The following PPM1L variants were observed in gnomAD, a reference collection of about 807,000 sequenced individuals.
The protein encoded by PPM1L is protein phosphatase 1L.
Under a neutral mutation model 31.4 loss-of-function variants are expected in PPM1L, and 13 were observed. That is an observed-to-expected ratio of 0.41 (90% CI 0.27 to 0.66). PPM1L has a LOEUF of 0.66. PPM1L is among the 30% of genes least tolerant of loss of function. The probability of loss-of-function intolerance (pLI) is 0.29; values close to 1 mark genes in which losing one functional copy is unlikely to be tolerated. For missense variants in PPM1L, 326 were observed against 453.7 expected (o/e 0.72, Z 2.56); for synonymous variants, 184 against 175.4 (o/e 1.05, Z -0.39).
At chr3:160,971,167 A>G (rs1716330184) in intron 2 of PPM1L, among the ~76,000 whole-genome samples, 1 of 152,194 alleles carries the variant, frequency 6.6e-6, no homozygotes. Flanking sequence ...TACAAGCCCC[A>G]GCCTAGGTTT....
chr3:160,804,883 C>G (rs142355903), intron 1 of PPM1L, among the ~76,000 whole-genome samples: 1 of 152,204 alleles, frequency 6.6e-6, no homozygotes, highest in Non-Finnish European at 1.5e-5. Flanking sequence ...GTACTGATGA[C>G]TGATCATCAC....
rs78349503 is a variant in PPM1L at position 160,945,364 on chromosome 3, G to A, written c.400-16372G>A. Among the ~76,000 whole-genome samples, 344 of 152,034 alleles carry A rather than the reference G, an allele frequency of 2.3e-3. 1 individual carries two copies. The highest frequency in any genetic ancestry group is 7.8e-3 in the African/African-American group (322 of 41,480). ...TGTTCCAGCAAAACTTTATAAAGAC[G>A]GATGTTTGGGCTTCAGTTTGCCATC... On this transcript the variant is annotated intron_variant, in intron 1 of 3. Coordinates refer to ENST00000498165, the MANE Select transcript of PPM1L (RefSeq NM_139245.4).
intron 1 of PPM1L, among the ~76,000 whole-genome samples, chr3:160,772,605 TG>T (rs908657618): frequency 3.9e-5 from 6 of 152,214 alleles, no homozygotes; most frequent in African/African-American, 1.4e-4. Flanking sequence ...ATATGCAATT[TG>T]ATCAGTTTTG....
rs1445443872 is a variant in PPM1L at position 160,809,045 on chromosome 3, G to C, written c.399+52338G>C. On this transcript the variant is annotated intron_variant, in intron 1 of 3. Coordinates refer to ENST00000498165, the MANE Select transcript of PPM1L (RefSeq NM_139245.4). ...ACTGCCAGGCAGGGAAGGGCTGCCA[G>C]GTGCTAATGTCACTGTGCCTGGCAC... Among the ~76,000 whole-genome samples the C allele has an allele frequency of 2.0e-5, 3 of 152,206 alleles. No individual in the cohort carries two copies. The East Asian group carries it at 5.8e-4, about 29-fold the overall frequency.
At chr3:160,923,275 A>G (rs962847463) in intron 1 of PPM1L, among the ~76,000 whole-genome samples, 1 of 152,224 alleles carries the variant, frequency 6.6e-6, no homozygotes, top group African/African-American at 2.4e-5. Context: ...TGAAGCCAGT[A>G]AGGAAATTGG....
At chr3:160,806,001 C>T (rs1300683739) in intron 1 of PPM1L, among the ~76,000 whole-genome samples, 1 of 152,212 alleles carries the variant, frequency 6.6e-6, no homozygotes, top group Non-Finnish European at 1.5e-5. Context: ...CCCCTGCCCC[C>T]TGTGACATCC....
At chr3:160,835,036 A>ACTTCTTCTTCTTCTTCTTCTTCTTCTT (rs1491239346) in intron 1 of PPM1L, among the ~76,000 whole-genome samples, 1 of 71,996 alleles carries the variant, frequency 1.4e-5, no homozygotes, top group Non-Finnish European at 2.5e-5. Flanking sequence ...TATTACTACT[A>ACTTCTTCTTCTTCTTCTTCTTCTTCTT]CTACTTCTTC....
chr3:160,769,101 G>T (rs1301349522), intron 1 of PPM1L, among the ~76,000 whole-genome samples: 1 of 152,176 alleles, frequency 6.6e-6, no homozygotes, highest in East Asian at 1.9e-4. Flanking sequence ...TTGGTCATGG[G>T]AATGTGATCA....
chr3:160,991,962 G>A (rs574019466), intron 2 of PPM1L, among the ~76,000 whole-genome samples: 5 of 152,270 alleles, frequency 3.3e-5, no homozygotes, highest in Admixed American at 2.0e-4. Flanking sequence ...AGCTCTTGAT[G>A]TGTATTAACT....
chr3:161,034,696 G>C (rs535560369), intron 2 of PPM1L, among the ~76,000 whole-genome samples: 144 of 151,898 alleles, frequency 9.5e-4, no homozygotes, highest in African/African-American at 3.2e-3. Context: ...CTGTCGGGGG[G>C]GTGGAGGACT....
intron 1 of PPM1L, among the ~76,000 whole-genome samples, chr3:160,889,364 A>G (rs980839644): frequency 1.3e-5 from 2 of 152,228 alleles, no homozygotes; most frequent in Non-Finnish European, 2.9e-5. Context: ...AGAGAATACT[A>G]TAAACACCTC....
intron 1 of PPM1L, among the ~76,000 whole-genome samples, chr3:160,862,380 T>A (rs1350831110): frequency 6.6e-6 from 1 of 152,094 alleles, no homozygotes; most frequent in Admixed American, 6.6e-5. Flanking sequence ...CCCTTTCAAT[T>A]CAGGCACTGA....
In PPM1L at chr3:160,835,064, C is replaced by CTTCTTCTTCTTCTTCTTCTTCTTT. The variant is rs1560120528; in HGVS notation, c.399+78358_399+78381dup. 6.8e-3 allele frequency among the ~76,000 whole-genome samples: 993 copies of CTTCTTCTTCTTCTTCTTCTTCTTT among 146,758 alleles called. 18 individuals are homozygous for CTTCTTCTTCTTCTTCTTCTTCTTT. Among genetic ancestry groups the CTTCTTCTTCTTCTTCTTCTTCTTT allele is most frequent in the African/African-American group, 0.025 (945 of 37,918 alleles). ...ACTTCTTCTTCTTCTTCTTCTTCTTCTTCTTCTTCTTCTTCTTCTTCTTTC... is the reference window on the plus strand; with the variant it reads ...ACTTCTTCTTCTTCTTCTTCTTCTTCTTCTTCTTCTTCTTCTTCTTCTTTTTCTTCTTCTTCTTCTTCTTCTTTC... On this transcript the variant is annotated intron_variant, in intron 1 of 3. Transcript: ENST00000498165.
At chr3:160,821,646 C>A (rs967253989) in intron 1 of PPM1L, among the ~76,000 whole-genome samples, 1 of 152,036 alleles carries the variant, frequency 6.6e-6, no homozygotes, top group Admixed American at 6.6e-5. Flanking sequence ...AAGAGTCCTG[C>A]AGTGGACGTA....
chr3:161,018,777 GA>G (rs1253508349), intron 2 of PPM1L, among the ~76,000 whole-genome samples: 1 of 152,198 alleles, frequency 6.6e-6, no homozygotes, highest in Non-Finnish European at 1.5e-5. Flanking sequence ...GGAAGCTGAT[GA>G]CAAGAATCGA....
intron 1 of PPM1L, among the ~76,000 whole-genome samples, chr3:160,761,667 C>T (rs537623129): frequency 1.3e-5 from 2 of 152,258 alleles, no homozygotes; most frequent in South Asian, 4.1e-4. Flanking sequence ...TTCCTTTATC[C>T]CATTTGTATT....
At chr3:160,809,963 C>T (rs550988448) in intron 1 of PPM1L, among the ~76,000 whole-genome samples, 167 of 152,040 alleles carry the variant, frequency 1.1e-3, no homozygotes, top group Non-Finnish European at 1.8e-3. Context: ...GGTACTGTTT[C>T]TTATCTTACA....
chr3:160,948,158 A>C (rs1357284527), intron 1 of PPM1L, among the ~76,000 whole-genome samples: 3 of 152,108 alleles, frequency 2.0e-5, no homozygotes, highest in Non-Finnish European at 4.4e-5. Context: ...CTATTTTCTT[A>C]TGGAGTTGAA....
chr3:161,055,366 A>G (rs1311927653), intron 2 of PPM1L, among the ~76,000 whole-genome samples: 2 of 151,750 alleles, frequency 1.3e-5, no homozygotes, highest in African/African-American at 4.9e-5. Flanking sequence ...GACAGGGCTG[A>G]CCACAGTGTT....
Sources: gnomAD v4.1 joint callset for allele counts (sites outside exome capture counted in the v4.1 genomes callset) on GRCh38, gnomAD v4.1.1 for gene constraint, MANE v1.5 for transcripts, NCBI Gene and HGNC (gene_info 2026-07-23, HGNC 2026-07-21) for gene names.